IYD: variants seen among roughly 807,000 people sequenced by gnomAD.
IYD encodes the protein iodotyrosine deiodinase, also known as iodotyrosine deiodinase 1.
Under a neutral mutation model 28.4 loss-of-function variants are expected in IYD, and 25 were observed. The ratio of observed to expected loss-of-function variants is 0.88; its 90% CI spans 0.64 to 1.23. IYD has a LOEUF of 1.23. Among genes scored for constraint, IYD ranks in the 50% most tolerant of loss-of-function variants. The pLI is 0.00. For synonymous variants in IYD, 140 were observed against 130.8 expected (o/e 1.07, Z -0.48); for missense variants, 352 against 357.9 (o/e 0.98, Z 0.13).
chr6:150,376,205 C>T (rs1157503315), intron 1 of IYD, among the ~76,000 whole-genome samples: 1 of 152,160 alleles, frequency 6.6e-6, no homozygotes, highest in Non-Finnish European at 1.5e-5. Flanking sequence ...GCCAAAACTG[C>T]TCCTGCTAGC....
intron 3 of IYD, among the ~76,000 whole-genome samples, chr6:150,393,574 C>A (rs1291107838): frequency 1.3e-5 from 2 of 152,184 alleles, no homozygotes; most frequent in African/African-American, 4.8e-5. Context: ...GACTCTCTGT[C>A]CTTTGACTAT....
Position 150,392,633 on chromosome 6 carries a change from C to T in IYD, c.530+129C>T, listed in dbSNP as rs672766. ...TCTATTCTGCCTCTTGGAGGAATTA[C>T]GGAAGTTAAGTCCGGGCTCACTCCT... On this transcript the variant is annotated intron_variant, in intron 3 of 4. Coordinates refer to ENST00000344419, the MANE Select transcript of IYD (RefSeq NM_203395.3). 0.46 allele frequency: 443,830 copies of T among 974,632 alleles called. 108,704 individuals are homozygous for T. Among genetic ancestry groups the T allele is most frequent in the Non-Finnish European group, 0.52 (326,834 of 626,222 alleles). 60.4% of individuals were successfully genotyped at this position (974,632 alleles called of 1,614,324 possible). A position where few individuals can be genotyped will look rare whatever the true frequency, so the allele number is the denominator to read the frequency against.
rs1388262655 is a variant in IYD, at chr6:150,389,216, T to C, written c.179-136T>C. ...ATCAGTGGTAAGGATTCTGTAAATC[T>C]ATTCTTTTTTCATTTTATAGTATTT... On this transcript the variant is annotated intron_variant, in intron 1 of 4. Coordinates refer to ENST00000344419, the MANE Select transcript of IYD (RefSeq NM_203395.3). 10 of 677,450 alleles carry C rather than the reference T, an allele frequency of 1.5e-5. No homozygotes were observed. The East Asian group carries it at 2.7e-4, about 19-fold the overall frequency. The allele number at this position is 677,450 out of a possible 1,614,324, so 42.0% of individuals were successfully genotyped here.
In IYD at chr6:150,388,624, GTTTTTGCT is replaced by G. The variant is rs1264638619; in HGVS notation, c.179-725_179-718del. 2.3e-4 allele frequency among the ~76,000 whole-genome samples: 26 copies of G among 111,340 alleles called. No individual in the cohort carries two copies. The East Asian group carries it at 3.7e-3, about 16-fold the overall frequency. The allele number at this position is 111,340 out of a possible 152,430, so 73.0% of individuals were successfully genotyped here. On this transcript the variant is annotated intron_variant, in intron 1 of 4. Transcript: ENST00000344419. ...TCTTTTTCTAGATTTATAGTCTGGAGTTTTTGCTTTCTTTCTTTCTTTCTTTCTTTCTT... is the reference window on the plus strand; with the variant it reads ...TCTTTTTCTAGATTTATAGTCTGGAGTTCTTTCTTTCTTTCTTTCTTTCTT...
intron 1 of IYD, among the ~76,000 whole-genome samples, chr6:150,378,857 C>A (rs566680475): frequency 6.6e-6 from 1 of 152,252 alleles, no homozygotes; most frequent in South Asian, 2.1e-4. Context: ...TTTATTGTGG[C>A]ACTATTCACA....
At chr6:150,393,255 G>T (rs1778192634) in intron 3 of IYD, among the ~76,000 whole-genome samples, 1 of 152,242 alleles carries the variant, frequency 6.6e-6, no homozygotes, top group Non-Finnish European at 1.5e-5. Flanking sequence ...AGCTTGCCCA[G>T]TGGCCAAGAC....
chr6:150,375,445 T>G (rs1777411836), intron 1 of IYD, among the ~76,000 whole-genome samples: 1 of 152,330 alleles, frequency 6.6e-6, no homozygotes, highest in East Asian at 1.9e-4. Flanking sequence ...AAAAACATTT[T>G]AAGTAGTTTT....
In IYD at chr6:150,403,643, GC is replaced by G. The variant is rs1778569633; in HGVS notation, c.*5407del. On this transcript the variant is annotated 3_prime_UTR_variant, in exon 5 of 5. Transcript: ENST00000344419. Reference sequence around the variant, plus strand: ...GGCTCAAGGGAGAACAGCCCCCAAAGCTAAGATCCTGCCAAGCTAAATACAG... The same window carrying G: ...GGCTCAAGGGAGAACAGCCCCCAAAGTAAGATCCTGCCAAGCTAAATACAG... 1 of 152,242 alleles carries G rather than the reference GC, an allele frequency of 6.6e-6. No homozygotes were observed. The highest frequency in any genetic ancestry group is 2.4e-5 in the African/African-American group (1 of 41,460). 9.4% of individuals were successfully genotyped at this position (152,242 alleles called of 1,614,324 possible).
chr6:150,387,634 T>C (rs1777925747), intron 1 of IYD, among the ~76,000 whole-genome samples: 1 of 152,012 alleles, frequency 6.6e-6, no homozygotes. Context: ...CTATATTTTC[T>C]ATCTTTTTGT....
chr6:150,395,191 A>G (rs1778266808), intron 4 of IYD, among the ~76,000 whole-genome samples: 1 of 152,174 alleles, frequency 6.6e-6, no homozygotes, highest in Admixed American at 6.5e-5. Flanking sequence ...TGTATATTCT[A>G]GCAGAGACTG....
At chr6:150,394,279 C>T (rs564865315) in intron 4 of IYD, 24 bp downstream of exon 4, 2 of 1,613,686 alleles carry the variant, frequency 1.2e-6, no homozygotes, top group Admixed American at 1.7e-5. Context: ...TCAAGGGTTA[C>T]AGGGTGGCCT....
chr6:150,383,838 TA>T lies in IYD; in HGVS notation c.179-5506del, dbSNP rs565587904. On this transcript the variant is annotated intron_variant, in intron 1 of 4. Transcript: ENST00000344419. ...AACAAAAACAAAAAAAATTAATGTT[TA>T]AAAAAAACCTCCTCCCAAAAAAAAC... 2.9e-3 allele frequency among the ~76,000 whole-genome samples: 425 copies of T among 148,462 alleles called. 1 individual carries two copies. Among genetic ancestry groups the T allele is most frequent in the African/African-American group, 0.01 (418 of 40,318 alleles).
chr6:150,395,995 C>A (rs910814065), intron 4 of IYD: 15 of 332,492 alleles, frequency 4.5e-5, no homozygotes, highest in African/African-American at 2.7e-4. Context: ...AGGAACTTGC[C>A]GTGGTGGTTG....
At chr6:150,390,914 G>T (rs1778093052) in intron 2 of IYD, among the ~76,000 whole-genome samples, 1 of 152,098 alleles carries the variant, frequency 6.6e-6, no homozygotes, top group South Asian at 2.1e-4. Flanking sequence ...AATGACACAT[G>T]GCCGTGCGTA....
intron 1 of IYD, among the ~76,000 whole-genome samples, chr6:150,383,232 C>A (rs1426307338): frequency 1.3e-5 from 2 of 152,070 alleles, no homozygotes; most frequent in Non-Finnish European, 2.9e-5. Flanking sequence ...ATTTAAAATC[C>A]CCCCTTACTA....
intron 4 of IYD, chr6:150,395,491 A>G (rs2115059447): frequency 6.5e-7 from 1 of 1,537,270 alleles, no homozygotes; most frequent in Non-Finnish European, 8.7e-7. Flanking sequence ...TCAGACTGCG[A>G]GGCACCGCCA....
At position 150,369,063 on chromosome 6, in the gene IYD, T is replaced by C. The variant is rs763066063; in HGVS notation, c.32T>C (p.Ile11Thr). 73 of 1,613,954 alleles carry C rather than the reference T, an allele frequency of 4.5e-5. No homozygotes were observed. Among genetic ancestry groups the C allele is most frequent in the East Asian group, 6.7e-5 (3 of 44,888 alleles). MYFLTPILVA[I>T]LCILVVWIFK... is the part of the protein sequence containing the mutation. ...TTCCTGACTCCCATCTTGGTAGCCA[T>C]TCTCTGCATTTTGGTTGTGTGGATC... The change falls in exon 1 of 5, where the codon ATT becomes ACT. Residue 11 changes from isoleucine to threonine, a missense_variant. By Grantham distance (89) the Ile-to-Thr change is moderately conservative. Coordinates refer to ENST00000344419, the MANE Select transcript of IYD (RefSeq NM_203395.3).
intron 1 of IYD, among the ~76,000 whole-genome samples, chr6:150,387,118 C>T (rs1777892601): frequency 1.3e-5 from 2 of 152,050 alleles, no homozygotes; most frequent in South Asian, 4.2e-4. Flanking sequence ...ACGTAGCTTA[C>T]CTGTAGGCAA....
chr6:150,387,315 A>G (rs1405306149), intron 1 of IYD, among the ~76,000 whole-genome samples: 2 of 151,878 alleles, frequency 1.3e-5, no homozygotes, highest in Non-Finnish European at 2.9e-5. Context: ...ACTCCCAGCT[A>G]CTCAGGAGGC....
Sources: allele counts gnomAD v4.1 joint callset (sites outside exome capture counted in the v4.1 genomes callset), GRCh38; gene constraint gnomAD v4.1.1; transcripts MANE v1.5; gene names NCBI Gene and HGNC (gene_info 2026-07-23, HGNC 2026-07-21).